ACTR1B: variants seen among roughly 807,000 people sequenced by gnomAD.
ACTR1B encodes beta-centractin.
In ACTR1B, 34 loss-of-function variants were observed where a neutral mutation model predicts 49.4. That is an observed-to-expected ratio of 0.69 (90% CI 0.52 to 0.92). The LOEUF is 0.92. Ranked by LOEUF, ACTR1B falls within the 40% of genes least tolerant of loss-of-function variation. ACTR1B has a pLI of 0.00. For missense variants in ACTR1B, 471 were observed against 522.4 expected, an observed-to-expected ratio of 0.90 and a Z score of 0.96; for synonymous variants, 207 against 207.8, an observed-to-expected ratio of 1.00 and a Z score of 0.03.
Position 97,660,576 on chromosome 2 carries a change from C to T in ACTR1B, c.184G>A (p.Ala62Thr). 6.2e-7 allele frequency: 1 copy of T among 1,614,102 alleles called. No individual in the cohort carries two copies. Among genetic ancestry groups the T allele is most frequent in the East Asian group, 2.2e-5 (1 of 44,876 alleles). The change falls in exon 3 of 11, where the codon GCA becomes ACA. Residue 62 changes from alanine to threonine, a missense_variant. Ala to Thr is a moderately conservative substitution (Grantham distance 58). Transcript: ENST00000289228. ...LEGDLFIGPK[A>T]EEHRGLLTIR... ...GGCAGGCTCCTCGGTGTTACCTCTG[C>T]TTTTGGTCCGATGAAGAGGTCCCCC...
Position 97,656,387 on chromosome 2 carries a change from A to G in ACTR1B, c.*471T>C, listed in dbSNP as rs927512195. 1.5e-5 allele frequency: 3 copies of G among 201,774 alleles called. No individual in the cohort carries two copies. Among genetic ancestry groups the G allele is most frequent in the Non-Finnish European group, 3.1e-5 (3 of 97,926 alleles). The allele number at this position is 201,774 out of a possible 1,614,324, so 12.5% of individuals were successfully genotyped here. On this transcript the variant is annotated 3_prime_UTR_variant, in exon 11 of 11. Coordinates refer to ENST00000289228, the MANE Select transcript of ACTR1B (RefSeq NM_005735.4). The stretch of plus-strand genomic sequence containing the variant: ...CATCTACCCAGGAAGATAGGAGGAC[A>G]GAGTGTGAAAGGGGCTGTGTCACCC...
chr2:97,662,983 G>C (rs768066532), intron 1 of ACTR1B, among the ~76,000 whole-genome samples: 2 of 152,136 alleles, frequency 1.3e-5, no homozygotes, highest in Non-Finnish European at 1.5e-5. Flanking sequence ...GTGGGAGGGA[G>C]ACAGATCCCA....
rs779907508 is a variant in ACTR1B at position 97,659,359 on chromosome 2, G to A, written c.308C>T (p.Ser103Leu). Reference protein sequence around the residue: ...VYSKDQLQTFSEEHPVLLTEA... With the variant: ...VYSKDQLQTFLEEHPVLLTEA... ...GAGGGGCAGCCGCCACACCTCCTCCGAGAAGGTCTGCAGCTGATCCTTGGA... is the reference window on the plus strand; with the variant it reads ...GAGGGGCAGCCGCCACACCTCCTCCAAGAAGGTCTGCAGCTGATCCTTGGA... Residue 103 changes from serine to leucine, a missense_variant, in exon 4 of 11, where the codon TCG becomes TTG. Transcript: ENST00000289228. The surrounding 1 kb of genome is among the most constrained non-coding windows in gnomAD (Gnocchi z 4.0). The A allele has an allele frequency of 1.1e-5, 18 of 1,613,874 alleles. No individual in the cohort carries two copies. The highest frequency in any genetic ancestry group is 2.7e-5 in the African/African-American group (2 of 74,920).
chr2:97,655,964 T>G lies in ACTR1B; in HGVS notation c.*894A>C, dbSNP rs1364959695. ...GCCACAAGAAAACAGAGCCACACAC[T>G]GGGCCTTGTCCATAATTATTACTAT... On this transcript the variant is annotated 3_prime_UTR_variant, in exon 11 of 11. Transcript: ENST00000289228. The G allele has an allele frequency of 6.6e-6, 1 of 152,262 alleles. No individual in the cohort carries two copies. Among genetic ancestry groups the G allele is most frequent in the Non-Finnish European group, 1.5e-5 (1 of 68,054 alleles). 9.4% of individuals were successfully genotyped at this position (152,262 alleles called of 1,614,324 possible).
chr2:97,659,279 G>A lies in ACTR1B; in HGVS notation c.315+73C>T, dbSNP rs893631662. ...ATGTAGAAGGGAAATGTGGGAGCCCGGCGAGGAGGGACGCAGAGGAGAGGG... is the reference window on the plus strand; with the variant it reads ...ATGTAGAAGGGAAATGTGGGAGCCCAGCGAGGAGGGACGCAGAGGAGAGGG... On this transcript the variant is annotated intron_variant, in intron 4 of 10. Transcript: ENST00000289228. This position sits in a 1 kb window ranked among gnomAD's most constrained non-coding sequence, Gnocchi z 4.0. 9.4e-6 allele frequency: 15 copies of A among 1,600,880 alleles called. No homozygotes were observed. The highest frequency in any genetic ancestry group is 2.2e-5 in the East Asian group (1 of 44,738).
In ACTR1B at chr2:97,658,667, C is replaced by T; in HGVS notation, c.441-24G>A. 6.2e-7 allele frequency: 1 copy of T among 1,612,086 alleles called. No individual in the cohort carries two copies. Among genetic ancestry groups the T allele is most frequent in the Non-Finnish European group, 8.5e-7 (1 of 1,179,056 alleles). On this transcript the variant is annotated intron_variant, in intron 5 of 10. Transcript: ENST00000289228. This position sits in a 1 kb window ranked among gnomAD's most constrained non-coding sequence, Gnocchi z 5.9. ...ACCTGTCACCAGGTCAGCATCCCCT[C>T]ACCTCAGCCACTGAGGCACGGGGAC...
In ACTR1B at chr2:97,658,241, C is replaced by G. The variant is rs759824041; in HGVS notation, c.733G>C (p.Asp245His). 1.2e-6 allele frequency: 2 copies of G among 1,614,074 alleles called. No individual in the cohort carries two copies. Among genetic ancestry groups the G allele is most frequent in the Non-Finnish European group, 1.7e-6 (2 of 1,180,054 alleles). The change falls in exon 7 of 11, where the codon GAC (aspartate) becomes CAC (histidine). Residue 245 changes from aspartate (D) to histidine (H), a missense_variant. By Grantham distance (81) the Asp-to-His change is moderately conservative. Transcript: ENST00000289228. The surrounding 1 kb of genome is among the most constrained non-coding windows in gnomAD (Gnocchi z 5.9). ...ETEKVQYTLP[D>H]GSTLDVGPAR... ...CCACTTACATCAAGCGTGCTGCCGT[C>G]TGGCAACGTGTACTGCACCTTCTCC...
chr2:97,657,718 A>G (rs1573180282), intron 8 of ACTR1B, among the ~76,000 whole-genome samples: 3 of 152,326 alleles, frequency 2.0e-5, no homozygotes, highest in South Asian at 4.1e-4. Context: ...GAAGCCGCAC[A>G]TGCTCCTTGC....
Position 97,659,108 on chromosome 2 carries a change from T to A in ACTR1B, c.316-105A>T. 1.3e-6 allele frequency: 2 copies of A among 1,548,896 alleles called. No individual in the cohort carries two copies. The highest frequency in any genetic ancestry group is 1.8e-6 in the Non-Finnish European group (2 of 1,134,804). ...CCGCTGGCGCACAGGCAGCTCAGCC[T>A]CCTACCCCTCCTGAGGGCCCCATCC... On this transcript the variant is annotated intron_variant, in intron 4 of 10. Transcript: ENST00000289228. This position sits in a 1 kb window ranked among gnomAD's most constrained non-coding sequence, Gnocchi z 4.0.
intron 3 of ACTR1B, among the ~76,000 whole-genome samples, chr2:97,660,365 A>T (rs1376435961): frequency 6.6e-6 from 1 of 152,216 alleles, no homozygotes; most frequent in Non-Finnish European, 1.5e-5. Context: ...ATAGCTTCTA[A>T]AAGACAGGAC....
At chr2:97,662,426 C>G (rs1675042871) in intron 1 of ACTR1B, among the ~76,000 whole-genome samples, 2 of 149,164 alleles carry the variant, frequency 1.3e-5, no homozygotes, top group Admixed American at 1.3e-4. Flanking sequence ...TTTTCAACAG[C>G]TTCCTTCTCC....
At chr2:97,657,278 G>A (rs1674869884) in intron 9 of ACTR1B, 86 bp from the exon 10 acceptor site, 2 of 1,567,122 alleles carry the variant, frequency 1.3e-6, no homozygotes, top group South Asian at 2.3e-5. Context: ...CCCAGGTCCT[G>A]AAGCCTGACA....
At chr2:97,657,013 C>T in intron 10 of ACTR1B, 53 bp from the exon 11 acceptor site, 2 of 1,575,666 alleles carry the variant, frequency 1.3e-6, no homozygotes, top group Non-Finnish European at 1.7e-6. Flanking sequence ...AGCCAACCAC[C>T]TTCCTGGGTG....
chr2:97,657,890 G>A lies in ACTR1B; in HGVS notation c.925+53C>T, dbSNP rs1674884786. 3 of 1,591,118 alleles carry A rather than the reference G, an allele frequency of 1.9e-6. No individual in the cohort carries two copies. In the South Asian group the frequency reaches 3.4e-5, roughly 18 times the overall value. ...CTGGGTAGGGGTATACTCTCTGAGG[G>A]TCCAGCTGCCCTGGGCCTCGTCTCA... On this transcript the variant is annotated intron_variant, in intron 8 of 10. Transcript: ENST00000289228.
chr2:97,661,583 G>A (rs889831413), intron 2 of ACTR1B, among the ~76,000 whole-genome samples: 2 of 152,204 alleles, frequency 1.3e-5, no homozygotes, highest in South Asian at 2.1e-4. Context: ...GGCTCCCCTC[G>A]GAGATGTCTC....
Position 97,660,573 on chromosome 2 carries a change from C to T in ACTR1B, c.187G>A (p.Glu63Lys), listed in dbSNP as rs1345934487. 1 of 1,614,144 alleles carries T rather than the reference C, an allele frequency of 6.2e-7. No homozygotes were observed. The highest frequency in any genetic ancestry group is 8.5e-7 in the Non-Finnish European group (1 of 1,179,998). The change falls in exon 3 of 11, where the codon GAG becomes AAG. Residue 63 changes from glutamate (E) to lysine (K), a missense_variant and splice_region_variant. Transcript: ENST00000289228. ...EGDLFIGPKA[E>K]EHRGLLTIRY... ...AAAGGCAGGCTCCTCGGTGTTACCT[C>T]TGCTTTTGGTCCGATGAAGAGGTCC... is the stretch of plus-strand genomic sequence containing the variant.
chr2:97,663,554 T>C (rs1449299456), intron 1 of ACTR1B, among the ~76,000 whole-genome samples: 1 of 151,818 alleles, frequency 6.6e-6, no homozygotes, highest in Non-Finnish European at 1.5e-5. Flanking sequence ...CCGGGGCGCG[T>C]CCCCGCCCGG....
Position 97,657,985 on chromosome 2 carries a change from A to G in ACTR1B, c.883T>C (p.Phe295Leu), listed in dbSNP as rs1424895350. The G allele has an allele frequency of 1.2e-6, 2 of 1,614,168 alleles. No individual in the cohort carries two copies. The highest frequency in any genetic ancestry group is 1.7e-6 in the Non-Finnish European group (2 of 1,180,028). The change falls in exon 8 of 11, where the codon TTC (phenylalanine) becomes CTC (leucine). Residue 295 changes from phenylalanine (F) to leucine (L), a missense_variant. Transcript: ENST00000289228. ...KSDMDLRRTLFANIVLSGGST... is the reference protein window; with the variant it reads ...KSDMDLRRTLLANIVLSGGST... ...CCACCTGAGAGCACGATGTTGGCGA[A>G]CAGCGTCCGGCGCAGGTCCATGTCG... is the stretch of plus-strand genomic sequence containing the variant.
chr2:97,660,207 T>A (rs1426051835), intron 3 of ACTR1B, among the ~76,000 whole-genome samples: 1 of 152,130 alleles, frequency 6.6e-6, no homozygotes, highest in African/African-American at 2.4e-5. Flanking sequence ...CTCCTGAGGG[T>A]CTGATCAGGC....
Sources: allele counts gnomAD v4.1 joint callset (sites outside exome capture counted in the v4.1 genomes callset), GRCh38; gene constraint gnomAD v4.1.1; non-coding constraint Gnocchi (gnomAD v3.1); transcripts MANE v1.5; gene names NCBI Gene and HGNC (gene_info 2026-07-23, HGNC 2026-07-21).